Variants in OXR1 observed in about 807,000 individuals in gnomAD.
OXR1 encodes oxidation resistance 1.
In OXR1, 41 loss-of-function variants were observed where a neutral mutation model predicts 104.6. That is an observed-to-expected ratio of 0.39 (90% CI 0.31 to 0.51). The LOEUF (loss-of-function observed/expected upper bound fraction) is 0.51. OXR1 is among the 20% of genes least tolerant of loss of function. The pLI is 0.77. For synonymous variants in OXR1, 348 were observed against 348.4 expected (o/e 1.00, Z 0.01); for missense variants, 955 against 1,031.9 (o/e 0.93, Z 1.02).
chr8:106,612,428 A>G (rs1008997411), intron 3 of OXR1, among the ~76,000 whole-genome samples: 4 of 152,174 alleles, frequency 2.6e-5, no homozygotes, highest in Admixed American at 6.5e-5. Context: ...TAACCTTCAT[A>G]TATAACTTGT....
At chr8:106,559,457 A>G (rs1816518846) in intron 3 of OXR1, among the ~76,000 whole-genome samples, 1 of 152,140 alleles carries the variant, frequency 6.6e-6, no homozygotes, top group Non-Finnish European at 1.5e-5. Flanking sequence ...GTCAGTTCCA[A>G]AGTTGCTTCC....
At chr8:106,726,270 A>C in intron 11 of OXR1, 1 of 1,526,346 alleles carries the variant, frequency 6.6e-7, no homozygotes, top group African/African-American at 1.4e-5. Context: ...ATGGGAAAAA[A>C]GGGAGAAGAC....
In OXR1 at chr8:106,703,005, G is replaced by A; in HGVS notation, c.775G>A (p.Gly259Ser). 1 of 1,613,568 alleles carries A rather than the reference G, an allele frequency of 6.2e-7. No individual in the cohort carries two copies. Among genetic ancestry groups the A allele is most frequent in the Non-Finnish European group, 8.5e-7 (1 of 1,179,616 alleles). The change falls in exon 8 of 17, where the codon GGC becomes AGC. Residue 259 changes from glycine to serine, a missense_variant. Coordinates refer to ENST00000517566, the MANE Select transcript of OXR1 (RefSeq NM_001198533.2). Reference sequence around the variant, plus strand: ...TCAAGAGAATGGCTGTGAGGAATATGGCATCATGTGTCCAATGGAAGAGGT... The same window carrying A: ...TCAAGAGAATGGCTGTGAGGAATATAGCATCATGTGTCCAATGGAAGAGGT... ...LVQENGCEEY[G>S]IMCPMEEVMS...
Position 106,536,906 on chromosome 8 carries a change from C to T in OXR1, c.220+17767C>T, listed in dbSNP as rs187172386. On this transcript the variant is annotated intron_variant, in intron 3 of 16. Coordinates refer to ENST00000517566, the MANE Select transcript of OXR1 (RefSeq NM_001198533.2). ...CAATCCTCATGAGAATTCAAATCCA[C>T]AACATTATCTGTTATCTGAAAAGCA... Among the ~76,000 whole-genome samples the T allele has an allele frequency of 3.9e-5, 6 of 152,302 alleles. No individual in the cohort carries two copies. In the East Asian group the frequency reaches 1.2e-3, roughly 29 times the overall value.
chr8:106,559,923 A>C (rs1288392623), intron 3 of OXR1, among the ~76,000 whole-genome samples: 1 of 152,258 alleles, frequency 6.6e-6, no homozygotes, highest in Non-Finnish European at 1.5e-5. Flanking sequence ...TCAATGATAT[A>C]GCAATTATAT....
chr8:106,575,997 C>A (rs1251108111), intron 3 of OXR1, among the ~76,000 whole-genome samples: 1 of 150,320 alleles, frequency 6.7e-6, no homozygotes, highest in Non-Finnish European at 1.5e-5. Flanking sequence ...CACACACACA[C>A]ACACACACAC....
intron 1 of OXR1, among the ~76,000 whole-genome samples, chr8:106,324,024 G>A (rs1171705911): frequency 6.6e-6 from 1 of 152,256 alleles, no homozygotes; most frequent in East Asian, 1.9e-4. Flanking sequence ...ATACCCAGAG[G>A]AATATAAATC....
chr8:106,470,281 A>G (rs575585091), intron 2 of OXR1, among the ~76,000 whole-genome samples: 2 of 151,978 alleles, frequency 1.3e-5, no homozygotes, highest in South Asian at 4.1e-4. Flanking sequence ...AAGTTTGTAT[A>G]TTAAAAACCA....
At chr8:106,401,765 G>T (rs1818011730) in intron 2 of OXR1, among the ~76,000 whole-genome samples, 1 of 152,112 alleles carries the variant, frequency 6.6e-6, no homozygotes, top group African/African-American at 2.4e-5. Flanking sequence ...CTGAATTTTT[G>T]TCAGTTTTAT....
intron 1 of OXR1, among the ~76,000 whole-genome samples, chr8:106,323,925 G>A (rs987167682): frequency 3.3e-5 from 5 of 152,188 alleles, no homozygotes; most frequent in Admixed American, 1.3e-4. Flanking sequence ...GTGTAAATTC[G>A]TTCAACCATT....
chr8:106,408,572 A>G (rs1237279930), intron 2 of OXR1, among the ~76,000 whole-genome samples: 5 of 152,184 alleles, frequency 3.3e-5, no homozygotes, highest in South Asian at 4.1e-4. Context: ...GAGCAAACTA[A>G]TATCTCACTG....
At chr8:106,650,847 C>T (rs3134131) in intron 3 of OXR1, among the ~76,000 whole-genome samples, 91,802 of 152,090 alleles carry the variant, frequency 0.6, 28,888 homozygotes, top group African/African-American at 0.8. Flanking sequence ...AAATACTTTT[C>T]TCAAGATTCT....
At chr8:106,621,516 TA>T (rs3046754) in intron 3 of OXR1, among the ~76,000 whole-genome samples, 4,122 of 137,916 alleles carry the variant, frequency 0.03, 131 homozygotes, top group African/African-American at 0.093. Flanking sequence ...TCAATAAGAG[TA>T]AAAAAAAAAA....
chr8:106,409,994 A>G (rs931839043), intron 2 of OXR1, among the ~76,000 whole-genome samples: 7 of 139,402 alleles, frequency 5.0e-5, no homozygotes, highest in Admixed American at 2.8e-4. Flanking sequence ...TCACACACAC[A>G]CACAAACACA....
chr8:106,271,851 A>G (rs1265584503), intron 1 of OXR1: 1 of 152,102 alleles, frequency 6.6e-6, no homozygotes, highest in Non-Finnish European at 1.5e-5. Context: ...CCCTCTATGG[A>G]AGGGAATCCT....
intron 3 of OXR1, chr8:106,657,945 C>A (rs1825301377): frequency 1.7e-5 from 21 of 1,247,860 alleles, no homozygotes; most frequent in South Asian, 4.1e-5. Context: ...CCGAAACCGT[C>A]GACCTCCTGG....
chr8:106,474,014 C>T lies in OXR1; in HGVS notation c.24-44929C>T, dbSNP rs75554841. On this transcript the variant is annotated intron_variant, in intron 2 of 16. Transcript: ENST00000517566. ...ATAATATATGTATTGTATATTTATACACACACACACACACACACACACACA... is the reference window on the plus strand; with the variant it reads ...ATAATATATGTATTGTATATTTATATACACACACACACACACACACACACA... Among the ~76,000 whole-genome samples, 53 of 36,888 alleles carry T rather than the reference C, an allele frequency of 1.4e-3. 2 individuals carry two copies. Among genetic ancestry groups the T allele is most frequent in the Admixed American group, 2.8e-3 (11 of 3,892 alleles). 24.2% of individuals were successfully genotyped at this position (36,888 alleles called of 152,430 possible).
chr8:106,412,565 A>G (rs1818500005), intron 2 of OXR1, among the ~76,000 whole-genome samples: 1 of 151,418 alleles, frequency 6.6e-6, no homozygotes, highest in Admixed American at 6.6e-5. Flanking sequence ...TGGCACAGAA[A>G]GTTCCGGAAC....
chr8:106,719,343 A>G (rs777211788), intron 11 of OXR1, among the ~76,000 whole-genome samples: 2 of 152,254 alleles, frequency 1.3e-5, no homozygotes, highest in Non-Finnish European at 2.9e-5. Context: ...TTCAATAAAT[A>G]TACAAAAATA....
Sources: gnomAD v4.1 joint callset for allele counts (sites outside exome capture counted in the v4.1 genomes callset) on GRCh38, gnomAD v4.1.1 for gene constraint, MANE v1.5 for transcripts, NCBI Gene and HGNC (gene_info 2026-07-23, HGNC 2026-07-21) for gene names.